LANCL2: variants seen among roughly 807,000 people sequenced by gnomAD.
LANCL2 encodes lanC-like protein 2.
In LANCL2, 33 loss-of-function variants were observed where a neutral mutation model predicts 56.9. That is an observed-to-expected ratio of 0.58 (90% CI 0.44 to 0.78). LANCL2 has a LOEUF of 0.78. LANCL2 is among the 30% of genes least tolerant of loss of function. The pLI is 0.00. For synonymous variants in LANCL2, 233 were observed against 228.2 expected (o/e 1.02, Z -0.19); for missense variants, 562 against 580.2 (o/e 0.97, Z 0.32).
chr7:55,419,373 A>C (rs1790581007), intron 6 of LANCL2, among the ~76,000 whole-genome samples: 1 of 148,056 alleles, frequency 6.8e-6, no homozygotes, highest in Non-Finnish European at 1.5e-5. Flanking sequence ...TAAGGTCTGA[A>C]GTGATAGTTT....
In LANCL2 at chr7:55,433,013, A is replaced by C. The variant is rs140063452; in HGVS notation, c.*1693A>C. 1 of 152,320 alleles carries C rather than the reference A, an allele frequency of 6.6e-6. No individual in the cohort carries two copies. The highest frequency in any genetic ancestry group is 2.4e-5 in the African/African-American group (1 of 41,446). The allele number at this position is 152,320 out of a possible 1,614,324, so 9.4% of individuals were successfully genotyped here. Reference sequence around the variant, plus strand: ...CTCACACGATGTCCAATCTCATCCAAATAACATTGTTCCCATCCTCCCCAC... The same window carrying C: ...CTCACACGATGTCCAATCTCATCCACATAACATTGTTCCCATCCTCCCCAC... On this transcript the variant is annotated 3_prime_UTR_variant, in exon 9 of 9. Coordinates refer to ENST00000254770, the MANE Select transcript of LANCL2 (RefSeq NM_018697.4).
intron 2 of LANCL2, among the ~76,000 whole-genome samples, chr7:55,392,934 A>G (rs1339871054): frequency 6.6e-6 from 1 of 151,842 alleles, no homozygotes; most frequent in African/African-American, 2.4e-5. Flanking sequence ...TAAACTAACT[A>G]CCCTACTGCC....
At chr7:55,424,200 A>G (rs1217796254) in intron 6 of LANCL2, among the ~76,000 whole-genome samples, 2 of 152,248 alleles carry the variant, frequency 1.3e-5, no homozygotes, top group Non-Finnish European at 2.9e-5. Flanking sequence ...TCAGGAAAAC[A>G]GTACATGGCC....
At chr7:55,374,633 G>A (rs908446203) in intron 1 of LANCL2, among the ~76,000 whole-genome samples, 1 of 152,032 alleles carries the variant, frequency 6.6e-6, no homozygotes, top group East Asian at 1.9e-4. Flanking sequence ...TTGCAAAATG[G>A]AACAAAGCAA....
chr7:55,431,120 C>T (rs1790722327), intron 8 of LANCL2, 106 bp from the exon 9 acceptor site: 1 of 727,860 alleles, frequency 1.4e-6, no homozygotes, highest in Non-Finnish European at 2.2e-6. Context: ...GTCCTCAGCA[C>T]CTTTCCCACA....
chr7:55,372,237 G>A (rs545691354), intron 1 of LANCL2, among the ~76,000 whole-genome samples: 22 of 152,218 alleles, frequency 1.4e-4, no homozygotes, highest in Non-Finnish European at 3.1e-4. Flanking sequence ...ATTATGGAGA[G>A]GGAACTAAGA....
At chr7:55,397,431 A>T (rs1010431421) in intron 2 of LANCL2, among the ~76,000 whole-genome samples, 37 of 147,052 alleles carry the variant, frequency 2.5e-4, no homozygotes, top group African/African-American at 8.9e-4. Flanking sequence ...GCTGCACTCC[A>T]GCCTGGGCAA....
chr7:55,389,419 G>A (rs1272951587), intron 1 of LANCL2, among the ~76,000 whole-genome samples: 4 of 152,140 alleles, frequency 2.6e-5, no homozygotes. Flanking sequence ...CACAAGAGAT[G>A]GACTTTAAAT....
rs541790734 is a variant in LANCL2, at chr7:55,404,852, G to T, written c.825+3532G>T. Among the ~76,000 whole-genome samples, 7 of 152,214 alleles carry T rather than the reference G, an allele frequency of 4.6e-5. No individual in the cohort carries two copies. In the East Asian group the frequency reaches 1.4e-3, roughly 29 times the overall value. On this transcript the variant is annotated intron_variant, in intron 5 of 8. Transcript: ENST00000254770. ...TGGTCTCGAACTCCTGACCTCTGGT[G>T]ATCCACCCACCTCAGCCTCCCAAAG... is the stretch of plus-strand genomic sequence containing the variant.
chr7:55,379,714 T>C (rs1790044060), intron 1 of LANCL2: 1 of 152,674 alleles, frequency 6.5e-6, no homozygotes, highest in Non-Finnish European at 1.5e-5. Flanking sequence ...TTTTAAGAAG[T>C]TGGATGGAGA....
chr7:55,396,768 T>A (rs1165113979), intron 2 of LANCL2, among the ~76,000 whole-genome samples: 1 of 152,214 alleles, frequency 6.6e-6, no homozygotes, highest in African/African-American at 2.4e-5. Context: ...ATTAAGTATA[T>A]ATAACTGTAA....
chr7:55,409,151 C>T (rs1267529981), intron 5 of LANCL2, among the ~76,000 whole-genome samples: 19 of 149,190 alleles, frequency 1.3e-4, no homozygotes, highest in Admixed American at 4.7e-4. Context: ...TGCACTGGCG[C>T]GAACTCGGCT....
chr7:55,429,357 T>C (rs1458852452), intron 8 of LANCL2, among the ~76,000 whole-genome samples: 1 of 152,240 alleles, frequency 6.6e-6, no homozygotes, highest in Non-Finnish European at 1.5e-5. Context: ...AAAATAGTTA[T>C]AGGGCTGTTC....
intron 6 of LANCL2, among the ~76,000 whole-genome samples, chr7:55,420,165 T>A (rs1010492015): frequency 2.6e-5 from 4 of 152,226 alleles, no homozygotes; most frequent in Non-Finnish European, 5.9e-5. Context: ...TTAGGTTTTG[T>A]ACCTTTCTTT....
intron 3 of LANCL2, among the ~76,000 whole-genome samples, chr7:55,399,344 C>CTT (rs201305522): frequency 2.0e-3 from 284 of 138,684 alleles, no homozygotes; most frequent in African/African-American, 6.0e-3. Context: ...CATTGCAGTC[C>CTT]TTTTTTTTTT....
intron 1 of LANCL2, among the ~76,000 whole-genome samples, chr7:55,389,832 A>T (rs1358849465): frequency 6.6e-6 from 1 of 152,236 alleles, no homozygotes; most frequent in Non-Finnish European, 1.5e-5. Flanking sequence ...GAGTCTCATT[A>T]GCATCATCTT....
At chr7:55,384,249 AAGAT>A (rs1305163459) in intron 1 of LANCL2, among the ~76,000 whole-genome samples, 21 of 152,206 alleles carry the variant, frequency 1.4e-4, no homozygotes, top group African/African-American at 5.1e-4. Context: ...CATTGAATGA[AAGAT>A]AGAAATTTAT....
chr7:55,416,031 T>C (rs979015997), intron 6 of LANCL2, among the ~76,000 whole-genome samples: 13 of 152,212 alleles, frequency 8.5e-5, no homozygotes, highest in African/African-American at 2.4e-5. Flanking sequence ...TGGGTTAATA[T>C]CTAGGAGTAG....
chr7:55,432,002 A>C lies in LANCL2; in HGVS notation c.*682A>C, dbSNP rs1790735417. 1 of 152,204 alleles carries C rather than the reference A, an allele frequency of 6.6e-6. No individual in the cohort carries two copies. The highest frequency in any genetic ancestry group is 2.4e-5 in the African/African-American group (1 of 41,448). 9.4% of individuals were successfully genotyped at this position (152,204 alleles called of 1,614,324 possible). ...CAGAGGCTTCAGGTGCTTTGTGTAGAGTCCAGGGCAGCTGGAGCTTTGTTG... is the reference window on the plus strand; with the variant it reads ...CAGAGGCTTCAGGTGCTTTGTGTAGCGTCCAGGGCAGCTGGAGCTTTGTTG... On this transcript the variant is annotated 3_prime_UTR_variant, in exon 9 of 9. Coordinates refer to ENST00000254770, the MANE Select transcript of LANCL2 (RefSeq NM_018697.4).
Sources: gnomAD v4.1 joint callset for allele counts (sites outside exome capture counted in the v4.1 genomes callset) on GRCh38, gnomAD v4.1.1 for gene constraint, MANE v1.5 for transcripts, NCBI Gene and HGNC (gene_info 2026-07-23, HGNC 2026-07-21) for gene names.